The following NRF1 variants were observed in gnomAD, a reference collection of about 807,000 sequenced individuals.
NRF1 encodes the protein nuclear respiratory factor 1.
Under a neutral mutation model 58.5 loss-of-function variants are expected in NRF1, and 5 were observed. The observed-to-expected ratio is 0.09, with a 90% CI of 0.04 to 0.18. The LOEUF (loss-of-function observed/expected upper bound fraction) is 0.18. Ranked by LOEUF, NRF1 falls within the 10% of genes least tolerant of loss-of-function variation. NRF1 has a pLI of 1.00. For missense variants in NRF1, 288 were observed against 657.7 expected, an observed-to-expected ratio of 0.44 and a Z score of 6.15; for synonymous variants, 224 against 246.7, an observed-to-expected ratio of 0.91 and a Z score of 0.86.
intron 1 of NRF1, among the ~76,000 whole-genome samples, chr7:129,644,820 C>T: frequency 6.6e-6 from 1 of 152,108 alleles, no homozygotes. Flanking sequence ...GCTTGTGGCA[C>T]CCTCTAGTGT....
chr7:129,648,461 A>G (rs1801461940), intron 1 of NRF1, among the ~76,000 whole-genome samples: 1 of 151,494 alleles, frequency 6.6e-6, no homozygotes, highest in Non-Finnish European at 1.5e-5. Flanking sequence ...TTGTATTTTT[A>G]GTAGAGACGG....
intron 1 of NRF1, among the ~76,000 whole-genome samples, chr7:129,629,211 A>G (rs1038187502): frequency 5.9e-5 from 9 of 152,242 alleles, no homozygotes; most frequent in African/African-American, 2.2e-4. Flanking sequence ...TCTTTGGAGT[A>G]AAAATTGTAT....
At chr7:129,733,164 G>A (rs541298346) in intron 10 of NRF1, among the ~76,000 whole-genome samples, 1 of 152,112 alleles carries the variant, frequency 6.6e-6, no homozygotes, top group African/African-American at 2.4e-5. Context: ...TGATTTTAAA[G>A]TTCATTTGAA....
intron 1 of NRF1, among the ~76,000 whole-genome samples, chr7:129,614,354 G>C (rs746933772): frequency 1.3e-5 from 2 of 152,110 alleles, no homozygotes; most frequent in Non-Finnish European, 2.9e-5. Flanking sequence ...GACCTAAGGT[G>C]ATCTGCTGGG....
chr7:129,617,145 G>A (rs1468123469), intron 1 of NRF1, among the ~76,000 whole-genome samples: 1 of 152,186 alleles, frequency 6.6e-6, no homozygotes, highest in Non-Finnish European at 1.5e-5. Context: ...AGTGGTGCCT[G>A]TTGGGATAAA....
chr7:129,630,856 T>C (rs767924129), intron 1 of NRF1, among the ~76,000 whole-genome samples: 13 of 152,324 alleles, frequency 8.5e-5, no homozygotes, highest in South Asian at 2.1e-4. Flanking sequence ...ATAAAAAGAT[T>C]GATCAGTTCA....
At chr7:129,628,263 C>G (rs181828604) in intron 1 of NRF1, among the ~76,000 whole-genome samples, 2 of 150,682 alleles carry the variant, frequency 1.3e-5, no homozygotes, top group African/African-American at 2.4e-5. Context: ...CCAGGATGGT[C>G]TCAATCTCCT....
chr7:129,717,130 G>A lies in NRF1; in HGVS notation c.1066-89G>A, dbSNP rs1256225212. On this transcript the variant is annotated intron_variant, in intron 8 of 10. Coordinates refer to ENST00000393232, the MANE Select transcript of NRF1 (RefSeq NM_005011.5). ...TAATTTTAAAGAGTATGTGTATTTA[G>A]CCAAAAAGTAGCAATTATTAGAAAA... The A allele has an allele frequency of 3.0e-6, 4 of 1,331,214 alleles. No homozygotes were observed. In the Admixed American group the frequency reaches 1.0e-4, roughly 34 times the overall value. The allele number at this position is 1,331,214 out of a possible 1,614,324, so 82.5% of individuals were successfully genotyped here.
intron 10 of NRF1, among the ~76,000 whole-genome samples, chr7:129,736,705 G>C (rs1227933480): frequency 6.6e-6 from 1 of 151,328 alleles, no homozygotes; most frequent in Non-Finnish European, 1.5e-5. Flanking sequence ...CTAGACCAGA[G>C]GCATTCCCAC....
At chr7:129,724,504 G>A (rs541539539) in intron 9 of NRF1, among the ~76,000 whole-genome samples, 5 of 152,306 alleles carry the variant, frequency 3.3e-5, no homozygotes, top group South Asian at 4.1e-4. Context: ...TGGGACTACC[G>A]TATGTTGCAG....
chr7:129,753,523 T>C (rs1159928310), intron 10 of NRF1, among the ~76,000 whole-genome samples: 1 of 152,236 alleles, frequency 6.6e-6, no homozygotes. Context: ...TATCCTTTTT[T>C]CCTCATTCAC....
chr7:129,621,962 TA>T (rs1273650279), intron 1 of NRF1, among the ~76,000 whole-genome samples: 2 of 152,004 alleles, frequency 1.3e-5, no homozygotes, highest in Non-Finnish European at 2.9e-5. Flanking sequence ...TTTGTGTTTT[TA>T]GTAGAGACAG....
chr7:129,733,222 C>T (rs1414829008), intron 10 of NRF1, among the ~76,000 whole-genome samples: 1 of 152,166 alleles, frequency 6.6e-6, no homozygotes, highest in Admixed American at 6.5e-5. Flanking sequence ...AATCCCAGCA[C>T]TTTGGGAGGC....
chr7:129,734,555 C>T (rs965558536), intron 10 of NRF1, among the ~76,000 whole-genome samples: 1 of 152,196 alleles, frequency 6.6e-6, no homozygotes, highest in African/African-American at 2.4e-5. Context: ...TGTAGGGGTA[C>T]CCTGGAGGTT....
chr7:129,744,496 T>G (rs1186712928), intron 10 of NRF1, among the ~76,000 whole-genome samples: 1 of 152,176 alleles, frequency 6.6e-6, no homozygotes, highest in East Asian at 1.9e-4. Context: ...GTGCAGTGGC[T>G]ATTCCCAGAC....
intron 10 of NRF1, among the ~76,000 whole-genome samples, chr7:129,748,928 C>T (rs1804047461): frequency 6.6e-6 from 1 of 152,230 alleles, no homozygotes; most frequent in South Asian, 2.1e-4. Context: ...TAGATTGGCT[C>T]ATGAATGATA....
chr7:129,716,146 A>G (rs919471407), intron 8 of NRF1, among the ~76,000 whole-genome samples: 5 of 152,226 alleles, frequency 3.3e-5, no homozygotes. Context: ...AGATATGTAG[A>G]ATATGCTGCC....
In NRF1 at chr7:129,617,229, A is replaced by T. The variant is rs192278570; in HGVS notation, c.-7+5405A>T. ...CATATATATTAAGACAGTTTTTTTT[A>T]AAAAGAGCATGTATTTTACTGTTGG... On this transcript the variant is annotated intron_variant, in intron 1 of 10. Coordinates refer to ENST00000393232, the MANE Select transcript of NRF1 (RefSeq NM_005011.5). Among the ~76,000 whole-genome samples the T allele has an allele frequency of 1.6e-3, 238 of 152,246 alleles. 1 individual carries two copies. The highest frequency in any genetic ancestry group is 5.2e-3 in the African/African-American group (217 of 41,538).
At chr7:129,636,457 C>T (rs1407160934) in intron 1 of NRF1, among the ~76,000 whole-genome samples, 2 of 152,196 alleles carry the variant, frequency 1.3e-5, no homozygotes, top group Non-Finnish European at 2.9e-5. Flanking sequence ...TGGTCTCAAA[C>T]TCCTGACCTC....
Sources: gnomAD v4.1 joint callset for allele counts (sites outside exome capture counted in the v4.1 genomes callset) on GRCh38, gnomAD v4.1.1 for gene constraint, MANE v1.5 for transcripts, NCBI Gene and HGNC (gene_info 2026-07-23, HGNC 2026-07-21) for gene names.